The following PPTC7 variants were observed in gnomAD, a reference collection of about 807,000 sequenced individuals.
PPTC7 encodes protein phosphatase PTC7 homolog.
A neutral mutation model predicts 30.8 loss-of-function variants in PPTC7; 6 were observed. The ratio of observed to expected loss-of-function variants is 0.19; its 90% confidence interval spans 0.11 to 0.38. The LOEUF (loss-of-function observed/expected upper bound fraction) is 0.38, where lower values mean the gene tolerates loss of function less well. Among genes scored for constraint, PPTC7 ranks in the 10% least tolerant of loss-of-function variants. The probability of loss-of-function intolerance (pLI) is 1.00; values close to 1 mark genes in which losing one functional copy is unlikely to be tolerated. For synonymous variants in PPTC7, 163 were observed against 168.1 expected (o/e 0.97, Z 0.23); for missense variants, 218 against 404.8 (o/e 0.54, Z 3.96).
At position 110,583,048 on chromosome 12, in the gene PPTC7, C is replaced by T. The variant is rs1189824806; in HGVS notation, c.-17G>A. On this transcript the variant is annotated 5_prime_UTR_variant, in exon 1 of 6. Transcript: ENST00000354300. ...CGAGAACATCGCCGCCGCCGCCCCC[C>T]CGAGGAGGCGGGGGGCCGGGGGAGC... The T allele has an allele frequency of 6.5e-6, 9 of 1,381,026 alleles. No individual in the cohort carries two copies. The African/African-American group carries it at 1.2e-4, about 19-fold the overall frequency. The allele number at this position is 1,381,026 out of a possible 1,614,324, so 85.5% of individuals were successfully genotyped here.
intron 1 of PPTC7, among the ~76,000 whole-genome samples, chr12:110,554,348 T>C (rs772042557): frequency 1.6e-4 from 25 of 152,058 alleles, no homozygotes; most frequent in Non-Finnish European, 3.2e-4. Flanking sequence ...TAGTTTTTGT[T>C]TGTCTGGCAA....
intron 1 of PPTC7, among the ~76,000 whole-genome samples, chr12:110,566,427 C>T (rs1159192914): frequency 1.3e-5 from 2 of 152,186 alleles, no homozygotes; most frequent in African/African-American, 4.8e-5. Context: ...ACTCCAGCCC[C>T]AGAACAAGAT....
intron 2 of PPTC7, among the ~76,000 whole-genome samples, chr12:110,549,207 T>G (rs146689788): frequency 6.1e-4 from 93 of 152,306 alleles, no homozygotes; most frequent in Non-Finnish European, 1.2e-3. Context: ...GCTTAGGACC[T>G]TATCAATCCA....
At chr12:110,537,893 C>A (rs1267708471) in intron 5 of PPTC7, among the ~76,000 whole-genome samples, 1 of 152,178 alleles carries the variant, frequency 6.6e-6, no homozygotes, top group Admixed American at 6.5e-5. Flanking sequence ...ATTGCGGTGG[C>A]GGCAATAAAG....
At chr12:110,581,834 G>A (rs2064639556) in intron 1 of PPTC7, among the ~76,000 whole-genome samples, 1 of 152,200 alleles carries the variant, frequency 6.6e-6, no homozygotes, top group Admixed American at 6.6e-5. Flanking sequence ...CACCTGGGAA[G>A]GGAAATCAAA....
At chr12:110,560,351 T>G (rs2064428168) in intron 1 of PPTC7, among the ~76,000 whole-genome samples, 1 of 151,596 alleles carries the variant, frequency 6.6e-6, no homozygotes, top group South Asian at 2.1e-4. Flanking sequence ...CAATGAGCTG[T>G]GATCACACTA....
chr12:110,568,275 C>A (rs777510256), intron 1 of PPTC7, among the ~76,000 whole-genome samples: 1 of 140,952 alleles, frequency 7.1e-6, no homozygotes, highest in African/African-American at 2.7e-5. Flanking sequence ...TTTTTTGAGA[C>A]GGAGTCTTGC....
At chr12:110,568,878 G>T (rs1376112649) in intron 1 of PPTC7, among the ~76,000 whole-genome samples, 1 of 152,200 alleles carries the variant, frequency 6.6e-6, no homozygotes, top group Non-Finnish European at 1.5e-5. Context: ...TGCCAGGCAA[G>T]GTGGCTCAAG....
chr12:110,548,815 CCAA>C (rs2064330301), intron 2 of PPTC7, among the ~76,000 whole-genome samples: 1 of 152,126 alleles, frequency 6.6e-6, no homozygotes, highest in South Asian at 2.1e-4. Flanking sequence ...CAAAGCAGCA[CCAA>C]CAAGTATAAG....
chr12:110,551,147 A>C (rs1331130543), intron 2 of PPTC7, among the ~76,000 whole-genome samples: 1 of 152,188 alleles, frequency 6.6e-6, no homozygotes, highest in African/African-American at 2.4e-5. Context: ...TGCTATTGGC[A>C]ACATTTTGAG....
intron 3 of PPTC7, among the ~76,000 whole-genome samples, chr12:110,544,051 G>A (rs988479412): frequency 5.9e-5 from 9 of 152,198 alleles, no homozygotes; most frequent in Non-Finnish European, 1.2e-4. Flanking sequence ...ACTCCAGTGT[G>A]GCTAACAATA....
Position 110,566,719 on chromosome 12 carries a change from TG to T in PPTC7, c.224-14752del, listed in dbSNP as rs200786463. On this transcript the variant is annotated intron_variant, in intron 1 of 5. Coordinates refer to ENST00000354300, the MANE Select transcript of PPTC7 (RefSeq NM_139283.2). The stretch of plus-strand genomic sequence containing the variant: ...TGCCAGCTCTACAAACACTAGTCTG[TG>T]GTCACAACCAAAAGACAATGCCCAC... Among the ~76,000 whole-genome samples the T allele has an allele frequency of 6.9e-3, 1,043 of 152,262 alleles. 1 individual carries two copies. The highest frequency in any genetic ancestry group is 9.4e-3 in the Non-Finnish European group (637 of 68,030).
rs1296643376 is a variant in PPTC7 at position 110,533,274 on chromosome 12, CTT to C, written c.*3761_*3762del. 1 of 152,148 alleles carries C rather than the reference CTT, an allele frequency of 6.6e-6. No individual in the cohort carries two copies. Among genetic ancestry groups the C allele is most frequent in the Non-Finnish European group, 1.5e-5 (1 of 68,032 alleles). 9.4% of individuals were successfully genotyped at this position (152,148 alleles called of 1,614,324 possible). On this transcript the variant is annotated 3_prime_UTR_variant, in exon 6 of 6. Transcript: ENST00000354300. Reference sequence around the variant, plus strand: ...TATAAATACTATATTTATTAAATATCTTTACAGTTTATTTAAATGTATTTACA... The same window carrying C: ...TATAAATACTATATTTATTAAATATCTACAGTTTATTTAAATGTATTTACA...
chr12:110,582,719 G>T, intron 1 of PPTC7, 90 bp downstream of exon 1: 1 of 1,162,112 alleles, frequency 8.6e-7, no homozygotes, highest in Non-Finnish European at 1.2e-6. Context: ...GGCTCCTTTC[G>T]CCGCCGGGAG....
chr12:110,551,403 T>C (rs1345382116), intron 2 of PPTC7, among the ~76,000 whole-genome samples: 2 of 152,222 alleles, frequency 1.3e-5, no homozygotes, highest in Non-Finnish European at 2.9e-5. Context: ...TGGGGTGCAA[T>C]GGCGCCATCT....
At chr12:110,538,876 T>C (rs2064237074) in intron 4 of PPTC7, among the ~76,000 whole-genome samples, 1 of 152,224 alleles carries the variant, frequency 6.6e-6, no homozygotes, top group Admixed American at 6.5e-5. Context: ...TCTAAAGTAG[T>C]AGCAGTCCCT....
chr12:110,559,271 C>A (rs2135780048), intron 1 of PPTC7, among the ~76,000 whole-genome samples: 1 of 152,142 alleles, frequency 6.6e-6, no homozygotes, highest in East Asian at 1.9e-4. Flanking sequence ...GTCAAGTGAT[C>A]CTCCTGCCTC....
At chr12:110,580,774 C>G (rs777194049) in intron 1 of PPTC7, among the ~76,000 whole-genome samples, 1 of 151,748 alleles carries the variant, frequency 6.6e-6, no homozygotes, top group East Asian at 1.9e-4. Context: ...TTTTTTGAGA[C>G]GGAGTCTCGC....
chr12:110,552,492 C>T (rs1157799074), intron 1 of PPTC7, among the ~76,000 whole-genome samples: 2 of 152,162 alleles, frequency 1.3e-5, no homozygotes, highest in Non-Finnish European at 2.9e-5. Flanking sequence ...CGGTACTGTA[C>T]AATACAACAG....
Sources: gnomAD v4.1 joint callset for allele counts (sites outside exome capture counted in the v4.1 genomes callset) on GRCh38, gnomAD v4.1.1 for gene constraint, MANE v1.5 for transcripts, NCBI Gene and HGNC (gene_info 2026-07-23, HGNC 2026-07-21) for gene names.